The following VAV2 variants were observed in gnomAD, a reference collection of about 807,000 sequenced individuals.
VAV2 encodes the protein guanine nucleotide exchange factor VAV2.
Under a neutral mutation model 132.5 loss-of-function variants are expected in VAV2, and 67 were observed. The ratio of observed to expected loss-of-function variants is 0.51; its 90% CI spans 0.42 to 0.62. The LOEUF (loss-of-function observed/expected upper bound fraction) is 0.62. Among genes scored for constraint, VAV2 ranks in the 20% least tolerant of loss-of-function variants. The pLI, the probability that VAV2 is intolerant of heterozygous loss-of-function variation, is 0.00. For missense variants in VAV2, 938 were observed against 1,153.6 expected (o/e 0.81, Z 2.71); for synonymous variants, 492 against 443.5 (o/e 1.11, Z -1.37).
chr9:133,783,030 G>GT (rs943729317), intron 19 of VAV2, among the ~76,000 whole-genome samples: 75 of 152,322 alleles, frequency 4.9e-4, no homozygotes, highest in African/African-American at 1.6e-3. Flanking sequence ...GGGAACCACT[G>GT]TAAGTGCCAT....
At chr9:133,886,506 C>T (rs1338756088) in intron 2 of VAV2, among the ~76,000 whole-genome samples, 1 of 152,202 alleles carries the variant, frequency 6.6e-6, no homozygotes, top group Non-Finnish European at 1.5e-5. Context: ...AAGAGGAAGC[C>T]CCAGACTTGA....
rs1400365933 is a variant in VAV2 at position 133,794,661 on chromosome 9, G to C, written c.1101+1007C>G. Among the ~76,000 whole-genome samples the C allele has an allele frequency of 2.0e-5, 3 of 152,192 alleles. No homozygotes were observed. The highest frequency in any genetic ancestry group is 7.2e-5 in the African/African-American group (3 of 41,456). On this transcript the variant is annotated intron_variant, in intron 12 of 29. Transcript: ENST00000371850. This position sits in a 1 kb window ranked among gnomAD's most constrained non-coding sequence, Gnocchi z 4.6. Reference sequence around the variant, plus strand: ...TCAGAGGGCAGGACTGCAGCCCTGAGGGGGGCTGGCAGAGGTGTCCTGTGC... The same window carrying C: ...TCAGAGGGCAGGACTGCAGCCCTGACGGGGGCTGGCAGAGGTGTCCTGTGC...
At chr9:133,792,763 G>A (rs926462021) in intron 12 of VAV2, among the ~76,000 whole-genome samples, 6 of 143,168 alleles carry the variant, frequency 4.2e-5, no homozygotes, top group East Asian at 2.0e-4. Context: ...GGCCGCCCTC[G>A]AGACAGGAGG....
Position 133,912,514 on chromosome 9 carries a change from G to A in VAV2, c.321+26589C>T, listed in dbSNP as rs901268378. Among the ~76,000 whole-genome samples, 5 of 152,192 alleles carry A rather than the reference G, an allele frequency of 3.3e-5. No homozygotes were observed. Among genetic ancestry groups the A allele is most frequent in the Non-Finnish European group, 5.9e-5 (4 of 68,042 alleles). ...CCCATATGTCACTGGTGCTGGGTCC[G>A]AGCATGGGAGCTGCAGCCAAATTCT... On this transcript the variant is annotated intron_variant, in intron 2 of 29. Coordinates refer to ENST00000371850, the MANE Select transcript of VAV2 (RefSeq NM_001134398.2). This position sits in a 1 kb window ranked among gnomAD's most constrained non-coding sequence, Gnocchi z 4.3.
intron 2 of VAV2, among the ~76,000 whole-genome samples, chr9:133,903,078 G>GAAAA (rs61131449): frequency 0.034 from 3,604 of 105,220 alleles, 71 homozygotes; most frequent in Non-Finnish European, 0.038. Context: ...CCTGCCCCAG[G>GAAAA]AAAAAAAAAA....
intron 2 of VAV2, among the ~76,000 whole-genome samples, chr9:133,904,852 T>C (rs1365538008): frequency 6.6e-6 from 1 of 152,210 alleles, no homozygotes; most frequent in Non-Finnish European, 1.5e-5. Flanking sequence ...CACAAAATAC[T>C]CTTTCGCCTG....
chr9:133,786,342 G>A (rs1834222938), intron 16 of VAV2, among the ~76,000 whole-genome samples: 2 of 151,944 alleles, frequency 1.3e-5, no homozygotes, highest in Non-Finnish European at 2.9e-5. Context: ...CATGCTGTGT[G>A]AGCTCTCCTG....
rs115861550 is a variant in VAV2, at chr9:133,826,997, C to T, written c.449+7275G>A. 0.037 allele frequency among the ~76,000 whole-genome samples: 5,690 copies of T among 152,240 alleles called. 367 individuals are homozygous for T. Among genetic ancestry groups the T allele is most frequent in the African/African-American group, 0.13 (5,352 of 41,506 alleles). On this transcript the variant is annotated intron_variant, in intron 4 of 29. Coordinates refer to ENST00000371850, the MANE Select transcript of VAV2 (RefSeq NM_001134398.2). The surrounding 1 kb of genome is among the most constrained non-coding windows in gnomAD (Gnocchi z 4.2). ...TCCTCCATCAAGGCCTGGAAGCATT[C>T]CCAGGGCCCCCCACAGACTGCAGCG...
chr9:133,807,110 G>T, intron 8 of VAV2, 148 bp downstream of exon 8: 1 of 869,344 alleles, frequency 1.2e-6, no homozygotes, highest in Non-Finnish European at 1.7e-6. Flanking sequence ...GGAGAGAGCG[G>T]TGGGGGCTCC....
At chr9:133,952,725 G>A (rs1841603680) in intron 1 of VAV2, among the ~76,000 whole-genome samples, 1 of 152,216 alleles carries the variant, frequency 6.6e-6, no homozygotes, top group Non-Finnish European at 1.5e-5. Context: ...GACGACAGAG[G>A]CACAGATTGG....
Position 133,785,897 on chromosome 9 carries a change from A to G in VAV2, c.1423-12T>C. 6.2e-7 allele frequency: 1 copy of G among 1,610,064 alleles called. No individual in the cohort carries two copies. The highest frequency in any genetic ancestry group is 8.5e-7 in the Non-Finnish European group (1 of 1,177,392). Reference sequence around the variant, plus strand: ...AAGCCGTAGGACCACTGCAGGGGGGAGAGGGGCCATGCTTGCAATAGACAC... The same window carrying G: ...AAGCCGTAGGACCACTGCAGGGGGGGGAGGGGCCATGCTTGCAATAGACAC... On this transcript the variant is annotated splice_polypyrimidine_tract_variant and intron_variant, in intron 16 of 29. Transcript: ENST00000371850.
intron 2 of VAV2, among the ~76,000 whole-genome samples, chr9:133,895,018 C>T (rs999558438): frequency 1.3e-5 from 2 of 151,652 alleles, no homozygotes; most frequent in Non-Finnish European, 2.9e-5. Flanking sequence ...TTCTGAAGAT[C>T]GCGTGGGGGG....
At chr9:133,887,848 G>T (rs1387089927) in intron 2 of VAV2, among the ~76,000 whole-genome samples, 1 of 151,720 alleles carries the variant, frequency 6.6e-6, no homozygotes, top group East Asian at 1.9e-4. Context: ...GGGAAGGTAA[G>T]GCTCCTGCGT....
At chr9:133,888,738 C>T (rs146760310) in intron 2 of VAV2, among the ~76,000 whole-genome samples, 2 of 152,202 alleles carry the variant, frequency 1.3e-5, no homozygotes, top group African/African-American at 2.4e-5. Context: ...GAGCCTGAGC[C>T]GACTGATCTG....
chr9:133,979,621 C>T (rs1453474015), intron 1 of VAV2, among the ~76,000 whole-genome samples: 1 of 152,198 alleles, frequency 6.6e-6, no homozygotes, highest in African/African-American at 2.4e-5. Flanking sequence ...GGACAGGCAG[C>T]CAGGCACTAA....
chr9:133,850,593 A>C (rs913087162), intron 3 of VAV2, among the ~76,000 whole-genome samples: 2 of 152,168 alleles, frequency 1.3e-5, no homozygotes, highest in African/African-American at 4.8e-5. Context: ...CAGTTTCCCC[A>C]TCTGTAACGG....
chr9:133,964,136 T>C lies in VAV2; in HGVS notation c.205-24917A>G, dbSNP rs761991404. 1.8e-3 allele frequency among the ~76,000 whole-genome samples: 270 copies of C among 147,670 alleles called. 1 individual carries two copies. Among genetic ancestry groups the C allele is most frequent in the Non-Finnish European group, 3.1e-3 (208 of 67,224 alleles). ...GCACTTTGGGAGTCCAAGGTGCAGA[T>C]TATGTGAGCCCAGGAGTTCAAGACC... On this transcript the variant is annotated intron_variant, in intron 1 of 29. Transcript: ENST00000371850.
At position 133,918,799 on chromosome 9, in the gene VAV2, A is replaced by T. The variant is rs1840194620; in HGVS notation, c.321+20304T>A. Reference sequence around the variant, plus strand: ...TTTGTTTGTTTGTTTGTTTTGAGACAGAGTCTTGTTCTGTCGCCCAGGCTG... The same window carrying T: ...TTTGTTTGTTTGTTTGTTTTGAGACTGAGTCTTGTTCTGTCGCCCAGGCTG... On this transcript the variant is annotated intron_variant, in intron 2 of 29. Transcript: ENST00000371850. The surrounding 1 kb of genome is among the most constrained non-coding windows in gnomAD (Gnocchi z 4.7). 6.6e-6 allele frequency among the ~76,000 whole-genome samples: 1 copy of T among 152,028 alleles called. No homozygotes were observed. Among genetic ancestry groups the T allele is most frequent in the South Asian group, 2.1e-4 (1 of 4,824 alleles).
chr9:133,808,887 C>G (rs141610638), intron 7 of VAV2, among the ~76,000 whole-genome samples, 153 bp downstream of exon 7: 23 of 152,306 alleles, frequency 1.5e-4, no homozygotes, highest in African/African-American at 5.5e-4. Flanking sequence ...GTAGGGGGTA[C>G]CTGGAGGCAG....
Sources: allele counts gnomAD v4.1 joint callset (sites outside exome capture counted in the v4.1 genomes callset), GRCh38; gene constraint gnomAD v4.1.1; non-coding constraint Gnocchi (gnomAD v3.1); transcripts MANE v1.5; gene names NCBI Gene and HGNC (gene_info 2026-07-23, HGNC 2026-07-21).